Variants in OPCML observed in about 807,000 individuals in gnomAD.
OPCML encodes opioid-binding protein/cell adhesion molecule.
OPCML carries 13 observed loss-of-function variants against 37.8 expected under a neutral mutation model. The observed-to-expected ratio is 0.34, with a 90% CI of 0.22 to 0.55. The LOEUF is 0.55. Among genes scored for constraint, OPCML ranks in the 20% least tolerant of loss-of-function variants. OPCML has a pLI of 0.91. For synonymous variants in OPCML, 176 were observed against 168.8 expected (o/e 1.04, Z -0.33); for missense variants, 341 against 435.6 (o/e 0.78, Z 1.93).
chr11:133,183,648 G>A (rs1937941521), intron 1 of OPCML, among the ~76,000 whole-genome samples: 1 of 152,106 alleles, frequency 6.6e-6, no homozygotes, highest in Non-Finnish European at 1.5e-5. Flanking sequence ...GTGAGATCAT[G>A]GTCATGTTAT....
chr11:132,475,149 T>C (rs73033751), intron 4 of OPCML, among the ~76,000 whole-genome samples: 3,732 of 152,256 alleles, frequency 0.025, 74 homozygotes, highest in Non-Finnish European at 0.032. Flanking sequence ...GAGTTCTTTA[T>C]GAAAGCCCTC....
At chr11:133,522,771 T>C (rs1948419096) in intron 1 of OPCML, among the ~76,000 whole-genome samples, 1 of 152,182 alleles carries the variant, frequency 6.6e-6, no homozygotes, top group African/African-American at 2.4e-5. Context: ...TCAGATGCCC[T>C]TTGCCCGAGT....
chr11:133,094,120 T>C (rs1948960239), intron 1 of OPCML, among the ~76,000 whole-genome samples: 2 of 152,084 alleles, frequency 1.3e-5, no homozygotes, highest in Non-Finnish European at 2.9e-5. Flanking sequence ...AAAAAAAATA[T>C]GCAGGTGCAG....
At chr11:133,070,827 T>C (rs1413258076) in intron 1 of OPCML, among the ~76,000 whole-genome samples, 2 of 152,154 alleles carry the variant, frequency 1.3e-5, no homozygotes, top group Non-Finnish European at 1.5e-5. Context: ...GGTCAAGCGA[T>C]GTTGGTTCCT....
At chr11:132,702,342 G>C (rs184295156) in intron 2 of OPCML, among the ~76,000 whole-genome samples, 158 of 152,140 alleles carry the variant, frequency 1.0e-3, no homozygotes, top group African/African-American at 3.4e-3. Flanking sequence ...CTTGTTTAAC[G>C]CTTCTTTCCC....
intron 1 of OPCML, among the ~76,000 whole-genome samples, chr11:133,483,607 G>T (rs941574791): frequency 6.6e-6 from 1 of 151,096 alleles, no homozygotes. Flanking sequence ...GATAGAAAGA[G>T]ATTTATAGAT....
chr11:133,236,368 ATTGT>A (rs1350404600), intron 1 of OPCML, among the ~76,000 whole-genome samples: 1 of 152,160 alleles, frequency 6.6e-6, no homozygotes, highest in Non-Finnish European at 1.5e-5. Flanking sequence ...AAACTTATAA[ATTGT>A]TTATTTCTGG....
intron 1 of OPCML, among the ~76,000 whole-genome samples, chr11:133,483,992 G>C (rs1947462116): frequency 6.6e-6 from 1 of 151,030 alleles, no homozygotes; most frequent in African/African-American, 2.4e-5. Flanking sequence ...AAGATAGCTA[G>C]CTAGCTAGAT....
chr11:133,042,668 A>G (rs1312353324), intron 1 of OPCML, among the ~76,000 whole-genome samples: 1 of 152,106 alleles, frequency 6.6e-6, no homozygotes, highest in Non-Finnish European at 1.5e-5. Context: ...ATTTTGCCCA[A>G]GGCTAGCTCT....
chr11:132,748,485 T>G (rs954240809), intron 2 of OPCML, among the ~76,000 whole-genome samples: 11 of 152,108 alleles, frequency 7.2e-5, no homozygotes, highest in African/African-American at 2.7e-4. Flanking sequence ...AGAACCACGT[T>G]GATGTTGTTC....
At chr11:133,192,255 G>T (rs1271082018) in intron 1 of OPCML, among the ~76,000 whole-genome samples, 1 of 152,158 alleles carries the variant, frequency 6.6e-6, no homozygotes, top group Non-Finnish European at 1.5e-5. Context: ...ATATCTTGAT[G>T]GCCCTGAATG....
chr11:132,727,098 C>T (rs1229835949), intron 2 of OPCML, among the ~76,000 whole-genome samples: 1 of 152,164 alleles, frequency 6.6e-6, no homozygotes, highest in Non-Finnish European at 1.5e-5. Context: ...TTGTGCCAGA[C>T]ACTGTCATGA....
In OPCML at chr11:132,637,333, A is replaced by C. The variant is rs1940568708; in HGVS notation, c.379+19754T>G. Among the ~76,000 whole-genome samples, 3 of 152,076 alleles carry C rather than the reference A, an allele frequency of 2.0e-5. No homozygotes were observed. The South Asian group carries it at 6.2e-4, about 32-fold the overall frequency. On this transcript the variant is annotated intron_variant, in intron 3 of 7. Coordinates refer to ENST00000524381, the MANE Select transcript of OPCML (RefSeq NM_001012393.5). ...GAGACCAGACCACCCCCACATTTTAAGCCTGGTTCTCCCAAAGTAGGGGAC... is the reference window on the plus strand; with the variant it reads ...GAGACCAGACCACCCCCACATTTTACGCCTGGTTCTCCCAAAGTAGGGGAC...
chr11:132,967,077 C>T (rs1946232423), intron 1 of OPCML, among the ~76,000 whole-genome samples: 2 of 151,912 alleles, frequency 1.3e-5, no homozygotes, highest in South Asian at 4.2e-4. Context: ...GTGTCACATG[C>T]CTTTTTTGTT....
chr11:133,164,082 G>A (rs769740700), intron 1 of OPCML, among the ~76,000 whole-genome samples: 3 of 152,248 alleles, frequency 2.0e-5, no homozygotes, highest in South Asian at 4.1e-4. Flanking sequence ...AGCCACCCAC[G>A]GCATGAGCTA....
chr11:132,813,942 C>T (rs1005646075), intron 2 of OPCML, among the ~76,000 whole-genome samples: 9 of 152,216 alleles, frequency 5.9e-5, no homozygotes, highest in Admixed American at 3.9e-4. Flanking sequence ...GCACTAATAA[C>T]ACCTTTTCAA....
At chr11:133,427,552 G>A (rs1459944768) in intron 1 of OPCML, among the ~76,000 whole-genome samples, 2 of 150,766 alleles carry the variant, frequency 1.3e-5, no homozygotes, top group Non-Finnish European at 3.0e-5. Context: ...AAACTAACAG[G>A]ATAAATAGAA....
chr11:132,599,176 A>G (rs1565698097), intron 3 of OPCML, among the ~76,000 whole-genome samples: 1 of 152,074 alleles, frequency 6.6e-6, no homozygotes, highest in South Asian at 2.1e-4. Context: ...CTACTCGGGA[A>G]CAAGTATTCT....
chr11:133,166,261 A>G lies in OPCML; in HGVS notation c.62-223251T>C, dbSNP rs112350566. 6.6e-3 allele frequency among the ~76,000 whole-genome samples: 1,013 copies of G among 152,360 alleles called. 5 individuals are homozygous for G. The highest frequency in any genetic ancestry group is 0.011 in the Non-Finnish European group (733 of 68,034). On this transcript the variant is annotated intron_variant, in intron 1 of 7. Coordinates refer to ENST00000524381, the MANE Select transcript of OPCML (RefSeq NM_001012393.5). ...TCTTAATAGTAACTAGCATTTCTAT[A>G]GTAATTCCTAGGTGCTAGGAGCTGT...
Sources: allele counts gnomAD v4.1 joint callset (sites outside exome capture counted in the v4.1 genomes callset), GRCh38; gene constraint gnomAD v4.1.1; transcripts MANE v1.5; gene names NCBI Gene and HGNC (gene_info 2026-07-23, HGNC 2026-07-21).